The following FMN2 variants were observed in gnomAD, a reference collection of about 807,000 sequenced individuals.
The protein encoded by FMN2 is formin-2.
Under a neutral mutation model 142.3 loss-of-function variants are expected in FMN2, and 51 were observed. The observed-to-expected ratio is 0.36, with a 90% confidence interval of 0.29 to 0.45. The LOEUF is 0.45. Among genes scored for constraint, FMN2 ranks in the 20% least tolerant of loss-of-function variants. The probability of loss-of-function intolerance (pLI) is 1.00; values close to 1 mark genes in which losing one functional copy is unlikely to be tolerated. For synonymous variants in FMN2, 882 were observed against 869.8 expected (o/e 1.01, Z -0.25); for missense variants, 1,936 against 2,122.8 (o/e 0.91, Z 1.73).
rs1344104492 is a variant in FMN2 at position 240,092,868 on chromosome 1, G to T, written c.759G>T (p.Leu253=). Residue 253 remains leucine, a synonymous_variant, in exon 1 of 18, where the codon CTG becomes CTT. Coordinates refer to ENST00000319653, the MANE Select transcript of FMN2 (RefSeq NM_020066.5). ...PGAFLGLDRF[L]LGPSGGAGEA... ...CCTTCCTGGGCCTGGACCGGTTCCT[G>T]CTGGGGCCGAGCGGCGGGGCTGGGG... The T allele has an allele frequency of 6.5e-7, 1 of 1,535,906 alleles. No individual in the cohort carries two copies. Among genetic ancestry groups the T allele is most frequent in the Admixed American group, 2.0e-5 (1 of 49,468 alleles).
At chr1:240,304,634 A>G (rs1188168882) in intron 8 of FMN2, among the ~76,000 whole-genome samples, 2 of 152,230 alleles carry the variant, frequency 1.3e-5, no homozygotes, top group East Asian at 1.9e-4. Flanking sequence ...AGGGGCAACT[A>G]CAGTGGGGGG....
intron 5 of FMN2, among the ~76,000 whole-genome samples, chr1:240,209,650 A>C (rs2103398798): frequency 6.7e-6 from 1 of 149,060 alleles, no homozygotes; most frequent in African/African-American, 2.5e-5. Context: ...CACGCCTGTC[A>C]TCCCAGCACT....
Position 240,093,033 on chromosome 1 carries a change from G to C in FMN2, c.924G>C (p.Pro308=), listed in dbSNP as rs901534417. The change falls in exon 1 of 18, where the codon CCG becomes CCC. Residue 308 remains proline (P), a synonymous_variant. Transcript: ENST00000319653. The part of the protein sequence containing the change: ...GLPVSEAPSL[P]AAQPAAKDSP... ...CGGTCTCCGAGGCGCCCAGTCTCCC[G>C]GCAGCGCAACCCGCGGCCAAAGACT... 4.1e-5 allele frequency: 57 copies of C among 1,394,490 alleles called. No homozygotes were observed. The Middle Eastern group carries it at 2.2e-3, about 53-fold the overall frequency. 86.4% of individuals were successfully genotyped at this position (1,394,490 alleles called of 1,614,324 possible). A position where few individuals can be genotyped will look rare whatever the true frequency, so the allele number is the denominator to read the frequency against.
At chr1:240,394,179 T>G (rs1014553506) in intron 15 of FMN2, among the ~76,000 whole-genome samples, 15 of 152,280 alleles carry the variant, frequency 9.9e-5, no homozygotes, top group Admixed American at 6.5e-4. Flanking sequence ...TGAGTTTCAG[T>G]TCCTTGATAC....
At chr1:240,268,179 T>G (rs940615778) in intron 7 of FMN2, among the ~76,000 whole-genome samples, 1 of 151,726 alleles carries the variant, frequency 6.6e-6, no homozygotes, top group African/African-American at 2.4e-5. Flanking sequence ...GAGTTGGGAG[T>G]GAGATAAGAG....
intron 7 of FMN2, among the ~76,000 whole-genome samples, chr1:240,283,294 C>G (rs1489433283): frequency 1.3e-5 from 2 of 152,154 alleles, no homozygotes; most frequent in East Asian, 1.9e-4. Context: ...GGCTTCTTCC[C>G]CTAGTAATGT....
chr1:240,279,890 T>A (rs1204619082), intron 7 of FMN2, among the ~76,000 whole-genome samples: 1 of 152,116 alleles, frequency 6.6e-6, no homozygotes. Flanking sequence ...ATTAACTACA[T>A]GTTGATGTAA....
At chr1:240,333,331 T>C (rs1025964186) in intron 11 of FMN2, among the ~76,000 whole-genome samples, 1 of 152,170 alleles carries the variant, frequency 6.6e-6, no homozygotes, top group Non-Finnish European at 1.5e-5. Context: ...CAATTGCTGA[T>C]ATAACAAATT....
At chr1:240,226,905 G>A (rs549646654) in intron 6 of FMN2, among the ~76,000 whole-genome samples, 2 of 152,122 alleles carry the variant, frequency 1.3e-5, no homozygotes, top group East Asian at 3.9e-4. Context: ...AAAACCCAGG[G>A]CTCACATTGA....
chr1:240,150,565 A>G (rs113766080), intron 2 of FMN2, among the ~76,000 whole-genome samples: 3 of 152,334 alleles, frequency 2.0e-5, no homozygotes, highest in African/African-American at 7.2e-5. Context: ...GCTAAAGAGT[A>G]CTGAGCTAGG....
At chr1:240,096,623 G>C (rs1661208752) in intron 1 of FMN2, among the ~76,000 whole-genome samples, 1 of 152,108 alleles carries the variant, frequency 6.6e-6, no homozygotes, top group Admixed American at 6.6e-5. Context: ...GCATGTATTT[G>C]GATCAATTAA....
rs186116013 is a variant in FMN2, at chr1:240,225,774, A to G, written c.4065+14539A>G. Among the ~76,000 whole-genome samples, 412 of 152,334 alleles carry G rather than the reference A, an allele frequency of 2.7e-3. 3 individuals are homozygous for G. The South Asian group carries it at 0.027, about 10-fold the overall frequency. ...AGAACTCAACGCACCCATTAAAAAT[A>G]TCTTCAAAGAACTCCAGGCAACTAT... On this transcript the variant is annotated intron_variant, in intron 6 of 17. Coordinates refer to ENST00000319653, the MANE Select transcript of FMN2 (RefSeq NM_020066.5).
intron 17 of FMN2, among the ~76,000 whole-genome samples, chr1:240,472,721 C>A (rs190935926): frequency 1.3e-5 from 2 of 151,654 alleles, no homozygotes; most frequent in Non-Finnish European, 2.9e-5. Context: ...CCGAGGTGGG[C>A]GGGTCATGAG....
chr1:240,155,538 C>T (rs1008855365), intron 2 of FMN2, among the ~76,000 whole-genome samples: 1 of 152,098 alleles, frequency 6.6e-6, no homozygotes, highest in African/African-American at 2.4e-5. Context: ...GCCTTGGCCT[C>T]TCAAAGTGCT....
At chr1:240,203,537 C>G (rs1038537147) in intron 4 of FMN2, among the ~76,000 whole-genome samples, 1 of 152,162 alleles carries the variant, frequency 6.6e-6, no homozygotes, top group African/African-American at 2.4e-5. Context: ...AAGCCGTTAT[C>G]CTCAGCAAAC....
chr1:240,324,049 G>T (rs1449962818), intron 8 of FMN2, among the ~76,000 whole-genome samples: 1 of 152,272 alleles, frequency 6.6e-6, no homozygotes, highest in Non-Finnish European at 1.5e-5. Flanking sequence ...TCCTGTTTGG[G>T]CTGCCTGAAG....
chr1:240,120,498 A>G (rs1662192178), intron 1 of FMN2, among the ~76,000 whole-genome samples: 1 of 152,196 alleles, frequency 6.6e-6, no homozygotes, highest in South Asian at 2.1e-4. Context: ...GAATCATAGC[A>G]TTGTATTTAT....
intron 8 of FMN2, among the ~76,000 whole-genome samples, chr1:240,320,884 G>A (rs184819474): frequency 2.4e-4 from 37 of 152,296 alleles, no homozygotes; most frequent in African/African-American, 7.0e-4. Context: ...AGGTAAAAAC[G>A]CTGGTGCCTC....
chr1:240,192,098 C>T (rs1224746214), intron 4 of FMN2, among the ~76,000 whole-genome samples: 1 of 152,210 alleles, frequency 6.6e-6, no homozygotes, highest in African/African-American at 2.4e-5. Flanking sequence ...CGAGTCCCCT[C>T]ATTGCCCAAT....
Sources: allele counts gnomAD v4.1 joint callset (sites outside exome capture counted in the v4.1 genomes callset), GRCh38; gene constraint gnomAD v4.1.1; transcripts MANE v1.5; gene names NCBI Gene and HGNC (gene_info 2026-07-23, HGNC 2026-07-21).